The following UVRAG variants were observed in gnomAD, a reference collection of about 807,000 sequenced individuals.
The protein encoded by UVRAG is UV radiation resistance associated.
Under a neutral mutation model 78.0 loss-of-function variants are expected in UVRAG, and 19 were observed. The observed-to-expected ratio is 0.24, with a 90% confidence interval of 0.17 to 0.36. The LOEUF is 0.36. Ranked by LOEUF, UVRAG falls within the 10% of genes least tolerant of loss-of-function variation. The pLI is 1.00. For synonymous variants in UVRAG, 323 were observed against 324.6 expected (o/e 1.00, Z 0.05); for missense variants, 740 against 853.8 (o/e 0.87, Z 1.66).
chr11:75,930,967 C>CTTTCTTTCTT (rs1451495535), intron 6 of UVRAG: 2 of 150,230 alleles, frequency 1.3e-5, no homozygotes, highest in Non-Finnish European at 3.0e-5. Context: ...TTCTTTCTTT[C>CTTTCTTTCTT]TTTCTTTCTT....
At chr11:75,957,569 T>C (rs1356409605) in intron 6 of UVRAG, among the ~76,000 whole-genome samples, 1 of 152,058 alleles carries the variant, frequency 6.6e-6, no homozygotes, top group Non-Finnish European at 1.5e-5. Context: ...CTAATTTCTG[T>C]CAAAAAAAAA....
chr11:76,085,768 T>C (rs890093390), intron 13 of UVRAG, among the ~76,000 whole-genome samples: 3 of 152,226 alleles, frequency 2.0e-5, no homozygotes, highest in Non-Finnish European at 4.4e-5. Context: ...CTTATGTCAG[T>C]GGAAGGCACA....
intron 12 of UVRAG, among the ~76,000 whole-genome samples, chr11:76,025,612 G>C (rs1591147733): frequency 6.6e-6 from 1 of 152,102 alleles, no homozygotes; most frequent in African/African-American, 2.4e-5. Context: ...CCTTGATTTT[G>C]TGTACTTATG....
intron 3 of UVRAG, among the ~76,000 whole-genome samples, chr11:75,862,121 A>G (rs1044703511): frequency 6.6e-6 from 1 of 152,232 alleles, no homozygotes; most frequent in African/African-American, 2.4e-5. Flanking sequence ...TATTTACTGA[A>G]TGAACTGATT....
At chr11:75,818,638 C>T (rs1945318427) in intron 1 of UVRAG, among the ~76,000 whole-genome samples, 1 of 152,056 alleles carries the variant, frequency 6.6e-6, no homozygotes, top group African/African-American at 2.4e-5. Flanking sequence ...GCCACCACGC[C>T]CAGCTAATTT....
At chr11:76,047,148 CAAATGATGA>C (rs1025762808) in intron 12 of UVRAG, among the ~76,000 whole-genome samples, 3 of 152,138 alleles carry the variant, frequency 2.0e-5, no homozygotes, top group African/African-American at 4.8e-5. Context: ...TACCTGCTCC[CAAATGATGA>C]ATAAATACTG....
intron 6 of UVRAG, among the ~76,000 whole-genome samples, chr11:75,932,856 A>C (rs1378256763): frequency 1.3e-5 from 2 of 152,256 alleles, no homozygotes; most frequent in Non-Finnish European, 1.5e-5. Context: ...ATTGAAGCAG[A>C]CACACAAAAA....
intron 7 of UVRAG, among the ~76,000 whole-genome samples, chr11:75,971,590 C>T (rs185127987): frequency 2.6e-5 from 4 of 152,244 alleles, no homozygotes; most frequent in Admixed American, 6.5e-5. Flanking sequence ...TAATGACTTA[C>T]GATGTTAAAC....
intron 7 of UVRAG, among the ~76,000 whole-genome samples, chr11:75,982,706 T>C (rs1591092769): frequency 6.6e-6 from 1 of 152,198 alleles, no homozygotes; most frequent in Non-Finnish European, 1.5e-5. Flanking sequence ...ATCTACTTTT[T>C]GTTTCTATGG....
intron 3 of UVRAG, among the ~76,000 whole-genome samples, chr11:75,872,788 G>C (rs547841812): frequency 6.6e-6 from 1 of 152,294 alleles, no homozygotes; most frequent in Admixed American, 6.5e-5. Context: ...ATAATTCTTA[G>C]CATCAGCTTC....
chr11:75,818,299 AG>A lies in UVRAG; in HGVS notation c.117+2776del, dbSNP rs1215107603. Among the ~76,000 whole-genome samples, 5 of 151,584 alleles carry A rather than the reference AG, an allele frequency of 3.3e-5. 1 individual carries two copies. Among genetic ancestry groups the A allele is most frequent in the Admixed American group, 3.3e-4 (5 of 15,200 alleles). ...TCTTTTACTCAGTATTGTTTGTGAG[AG>A]TCATGGAGTATCTGTGTATGTCTAA... On this transcript the variant is annotated intron_variant, in intron 1 of 14. Coordinates refer to ENST00000356136, the MANE Select transcript of UVRAG (RefSeq NM_003369.4).
chr11:75,887,451 T>TG (rs1264804473), intron 4 of UVRAG, among the ~76,000 whole-genome samples: 1 of 144,844 alleles, frequency 6.9e-6, no homozygotes, highest in Non-Finnish European at 1.5e-5. Context: ...GGCGCAGGTT[T>TG]TTTTTTTTTT....
intron 12 of UVRAG, among the ~76,000 whole-genome samples, chr11:76,050,280 A>G (rs1950838369): frequency 6.6e-6 from 1 of 152,242 alleles, no homozygotes; most frequent in Non-Finnish European, 1.5e-5. Context: ...AAGAAAGAGT[A>G]ATAAGAACAT....
intron 8 of UVRAG, among the ~76,000 whole-genome samples, chr11:75,997,647 A>G (rs1450542909): frequency 6.6e-6 from 1 of 152,202 alleles, no homozygotes; most frequent in Non-Finnish European, 1.5e-5. Context: ...TGGGATAGCA[A>G]AGGTTTTGGC....
chr11:75,873,685 A>G (rs1946699892), intron 3 of UVRAG, among the ~76,000 whole-genome samples: 1 of 152,218 alleles, frequency 6.6e-6, no homozygotes, highest in Admixed American at 6.5e-5. Context: ...AGCTAGAGGA[A>G]GCCCTCATTT....
chr11:76,017,206 AATTTACTTAAGTTTC>A (rs1950164569), intron 12 of UVRAG, among the ~76,000 whole-genome samples: 1 of 152,142 alleles, frequency 6.6e-6, no homozygotes, highest in Non-Finnish European at 1.5e-5. Context: ...TGGTGGCAAA[AATTTACTTAAGTTTC>A]ATTTACTTTC....
intron 8 of UVRAG, among the ~76,000 whole-genome samples, chr11:75,993,883 G>A (rs567369569): frequency 1.6e-4 from 25 of 152,226 alleles, no homozygotes; most frequent in African/African-American, 4.3e-4. Context: ...CAGTACAGGC[G>A]TATCACATGG....
chr11:75,952,380 A>G (rs1024185689), intron 6 of UVRAG, among the ~76,000 whole-genome samples: 1 of 151,882 alleles, frequency 6.6e-6, no homozygotes. Context: ...GATTAGCTGT[A>G]GATTTTTTTC....
intron 2 of UVRAG, among the ~76,000 whole-genome samples, chr11:75,852,211 C>T (rs1233784684): frequency 6.6e-6 from 1 of 152,114 alleles, no homozygotes; most frequent in Non-Finnish European, 1.5e-5. Flanking sequence ...TACATTGATA[C>T]GTTTATCATT....
Sources: allele counts gnomAD v4.1 joint callset (sites outside exome capture counted in the v4.1 genomes callset), GRCh38; gene constraint gnomAD v4.1.1; transcripts MANE v1.5; gene names NCBI Gene and HGNC (gene_info 2026-07-23, HGNC 2026-07-21).